SGCZ: variants seen among roughly 807,000 people sequenced by gnomAD.
SGCZ encodes the protein sarcoglycan zeta.
SGCZ carries 40 observed loss-of-function variants against 41.3 expected under a neutral mutation model. That is an observed-to-expected ratio of 0.97 (90% CI 0.75 to 1.26). SGCZ has a LOEUF of 1.26. Ranked by LOEUF, SGCZ falls within the 50% of genes most tolerant of loss-of-function variation. The pLI is 0.00. For synonymous variants in SGCZ, 206 were observed against 137.5 expected, an observed-to-expected ratio of 1.50 and a Z score of -3.49; for missense variants, 552 against 369.8, an observed-to-expected ratio of 1.49 and a Z score of -4.04.
intron 5 of SGCZ, among the ~76,000 whole-genome samples, chr8:14,133,724 G>A (rs1803111426): frequency 6.6e-6 from 1 of 151,856 alleles, no homozygotes; most frequent in Admixed American, 6.6e-5. Context: ...TCTGAGTTTT[G>A]ACAAAATTAC....
At chr8:14,240,327 C>CAAAAAAAAAAAAAAAAAAAAAAAAAA (rs59351247) in intron 3 of SGCZ, among the ~76,000 whole-genome samples, 25 of 115,222 alleles carry the variant, frequency 2.2e-4, no homozygotes, top group African/African-American at 2.9e-4. Context: ...AACTCTGTGT[C>CAAAAAAAAAAAAAAAAAAAAAAAAAA]AAAAAAAAAA....
chr8:14,442,794 T>C (rs1387704264), intron 2 of SGCZ, among the ~76,000 whole-genome samples: 2 of 152,222 alleles, frequency 1.3e-5, no homozygotes, highest in Non-Finnish European at 2.9e-5. Flanking sequence ...ACAAACTAAA[T>C]TTGTTTTATT....
chr8:15,026,692 T>C (rs1309312888), intron 1 of SGCZ, among the ~76,000 whole-genome samples: 1 of 152,212 alleles, frequency 6.6e-6, no homozygotes, highest in Non-Finnish European at 1.5e-5. Context: ...CTTCTGGAAC[T>C]CTGTGTGTGC....
intron 1 of SGCZ, among the ~76,000 whole-genome samples, chr8:15,159,260 A>G (rs985208782): frequency 6.6e-6 from 1 of 152,150 alleles, no homozygotes; most frequent in Non-Finnish European, 1.5e-5. Context: ...CAGGCATGGG[A>G]GCTCACCACC....
chr8:14,972,951 T>A (rs911181873), intron 1 of SGCZ, among the ~76,000 whole-genome samples: 1 of 152,206 alleles, frequency 6.6e-6, no homozygotes, highest in African/African-American at 2.4e-5. Context: ...TTTGTGTAGT[T>A]ACATATTTCT....
chr8:14,267,609 T>C (rs1039800942), intron 3 of SGCZ, among the ~76,000 whole-genome samples: 1 of 152,082 alleles, frequency 6.6e-6, no homozygotes, highest in Non-Finnish European at 1.5e-5. Flanking sequence ...GCTACGATAT[T>C]TTTGTTGTCA....
intron 3 of SGCZ, among the ~76,000 whole-genome samples, chr8:14,245,549 T>C (rs1287156988): frequency 6.6e-6 from 1 of 152,038 alleles, no homozygotes; most frequent in Admixed American, 6.6e-5. Context: ...GGACTTCATG[T>C]CTAAAACACC....
At chr8:14,236,454 A>G (rs1806765307) in intron 4 of SGCZ, among the ~76,000 whole-genome samples, 1 of 152,124 alleles carries the variant, frequency 6.6e-6, no homozygotes, top group Non-Finnish European at 1.5e-5. Context: ...AATATTTAAA[A>G]AAAACCTACA....
intron 1 of SGCZ, among the ~76,000 whole-genome samples, chr8:14,689,588 G>C (rs1808732114): frequency 6.6e-6 from 1 of 152,070 alleles, no homozygotes; most frequent in Admixed American, 6.6e-5. Flanking sequence ...TCTAGATTTA[G>C]TGAATTATAT....
At chr8:15,037,582 C>T (rs1005104371) in intron 1 of SGCZ, among the ~76,000 whole-genome samples, 1 of 152,132 alleles carries the variant, frequency 6.6e-6, no homozygotes, top group Non-Finnish European at 1.5e-5. Context: ...AATGTCCACT[C>T]TCACCACTTC....
At chr8:14,290,087 A>T (rs902623453) in intron 3 of SGCZ, among the ~76,000 whole-genome samples, 2 of 152,098 alleles carry the variant, frequency 1.3e-5, no homozygotes, top group Admixed American at 1.3e-4. Flanking sequence ...CTCCCTTGAC[A>T]TATGGGGATT....
chr8:14,814,294 T>C (rs1801829307), intron 1 of SGCZ, among the ~76,000 whole-genome samples: 1 of 152,000 alleles, frequency 6.6e-6, no homozygotes, highest in Non-Finnish European at 1.5e-5. Flanking sequence ...GCCTAAAAGA[T>C]GGGGTATAGA....
chr8:14,176,798 T>G (rs1804556404), intron 4 of SGCZ, among the ~76,000 whole-genome samples: 1 of 152,124 alleles, frequency 6.6e-6, no homozygotes, highest in Non-Finnish European at 1.5e-5. Context: ...CAAAACTGTC[T>G]CATTGCTAAA....
rs185717968 is a variant in SGCZ at position 15,052,458 on chromosome 8, G to A, written c.39+185127C>T. On this transcript the variant is annotated intron_variant, in intron 1 of 7. Transcript: ENST00000382080. ...AGATAACATGCTTCCGGATGTCCTGGCTATGGGGGAGTAGAGGGGGATCTG... is the reference window on the plus strand; with the variant it reads ...AGATAACATGCTTCCGGATGTCCTGACTATGGGGGAGTAGAGGGGGATCTG... Among the ~76,000 whole-genome samples, 810 of 152,262 alleles carry A rather than the reference G, an allele frequency of 5.3e-3. 5 individuals carry two copies. Among genetic ancestry groups the A allele is most frequent in the Non-Finnish European group, 9.4e-3 (637 of 68,014 alleles).
intron 2 of SGCZ, among the ~76,000 whole-genome samples, chr8:14,356,812 T>A (rs2117119236): frequency 6.6e-6 from 1 of 152,168 alleles, no homozygotes; most frequent in Middle Eastern, 3.5e-3. Context: ...ACCACTTGGT[T>A]TTTAATAAAA....
chr8:14,225,860 T>A (rs953575164), intron 4 of SGCZ, among the ~76,000 whole-genome samples: 1 of 152,128 alleles, frequency 6.6e-6, no homozygotes, highest in African/African-American at 2.4e-5. Flanking sequence ...GCTTGAGTTA[T>A]TTCAATAATG....
chr8:14,508,097 C>T (rs1209036313), intron 2 of SGCZ, among the ~76,000 whole-genome samples: 1 of 149,540 alleles, frequency 6.7e-6, no homozygotes, highest in African/African-American at 2.5e-5. Context: ...TGAGATCTAC[C>T]CTGGTCACTG....
intron 1 of SGCZ, among the ~76,000 whole-genome samples, chr8:14,561,905 C>A (rs1411539673): frequency 1.3e-5 from 2 of 152,118 alleles, no homozygotes; most frequent in Non-Finnish European, 2.9e-5. Flanking sequence ...AATTTTTGGA[C>A]ATTTTTCTCC....
intron 1 of SGCZ, among the ~76,000 whole-genome samples, chr8:14,933,628 T>C (rs1334158046): frequency 1.3e-5 from 2 of 151,738 alleles, no homozygotes; most frequent in Non-Finnish European, 2.9e-5. Flanking sequence ...TTTTTCTGTA[T>C]TTTTTAGTAG....
Sources: allele counts gnomAD v4.1 joint callset (sites outside exome capture counted in the v4.1 genomes callset), GRCh38; gene constraint gnomAD v4.1.1; transcripts MANE v1.5; gene names NCBI Gene and HGNC (gene_info 2026-07-23, HGNC 2026-07-21).